The following NLRC4 variants were observed in gnomAD, a reference collection of about 807,000 sequenced individuals.
NLRC4 encodes the protein NLR family CARD domain-containing protein 4.
A neutral mutation model predicts 79.9 loss-of-function variants in NLRC4; 63 were observed. The ratio of observed to expected loss-of-function variants is 0.79; its 90% CI spans 0.64 to 0.97. The LOEUF (loss-of-function observed/expected upper bound fraction) is 0.97. Ranked by LOEUF, NLRC4 falls within the 50% of genes least tolerant of loss-of-function variation. The pLI is 0.00. For missense variants in NLRC4, 1,074 were observed against 1,215.2 expected (o/e 0.88, Z 1.73); for synonymous variants, 461 against 456.5 (o/e 1.01, Z -0.12).
intron 2 of NLRC4, among the ~76,000 whole-genome samples, chr2:32,253,686 C>G (rs945080868): frequency 6.6e-6 from 1 of 151,326 alleles, no homozygotes. Context: ...TGCTGCTGGC[C>G]GGGTGCGGTG....
At chr2:32,262,637 G>A (rs1236806987) in intron 1 of NLRC4, among the ~76,000 whole-genome samples, 1 of 152,062 alleles carries the variant, frequency 6.6e-6, no homozygotes, top group Admixed American at 6.6e-5. Context: ...TTAGCCAGGC[G>A]TGGAGGTGCA....
intron 1 of NLRC4, among the ~76,000 whole-genome samples, chr2:32,257,532 G>A (rs1313495333): frequency 1.3e-5 from 2 of 151,608 alleles, no homozygotes; most frequent in East Asian, 1.9e-4. Flanking sequence ...ACTTGAGCCC[G>A]GGAGACGGAG....
intron 4 of NLRC4, among the ~76,000 whole-genome samples, chr2:32,245,369 G>C (rs1398275282): frequency 1.4e-5 from 2 of 145,514 alleles, no homozygotes; most frequent in Admixed American, 6.9e-5. Context: ...AGTGAAATAA[G>C]CCAGGCACAG....
At chr2:32,265,125 C>A (rs188283967), upstream of NLRC4, among the ~76,000 whole-genome samples, 26 of 152,230 alleles carry the variant, frequency 1.7e-4, no homozygotes, top group Admixed American at 1.2e-3. Flanking sequence ...TTATTCTATA[C>A]CTTAAAATGA....
At chr2:32,237,549 GTTTAAC>G (rs1157841280) in intron 6 of NLRC4, among the ~76,000 whole-genome samples, 2 of 152,110 alleles carry the variant, frequency 1.3e-5, no homozygotes, top group African/African-American at 4.8e-5. Context: ...CAGTTATATA[GTTTAAC>G]TTTAAAAAGA....
chr2:32,227,845 A>G (rs1242453230), intron 8 of NLRC4, among the ~76,000 whole-genome samples: 2 of 152,184 alleles, frequency 1.3e-5, no homozygotes, highest in South Asian at 4.1e-4. Flanking sequence ...AACAGAATCC[A>G]TGACATTTAG....
At chr2:32,228,249 T>G (rs909166509) in intron 8 of NLRC4, among the ~76,000 whole-genome samples, 1 of 152,306 alleles carries the variant, frequency 6.6e-6, no homozygotes, top group Admixed American at 6.5e-5. Flanking sequence ...CACTCCACTT[T>G]GTTCCCAGAA....
intron 7 of NLRC4, 42 bp from the exon 8 acceptor site, chr2:32,235,610 A>T: frequency 1.3e-6 from 2 of 1,553,944 alleles, no homozygotes; most frequent in Non-Finnish European, 1.8e-6. Context: ...GATGGTCTCA[A>T]AACTGAGGAA....
At chr2:32,231,035 TTA>T (rs1337643660) in intron 8 of NLRC4, among the ~76,000 whole-genome samples, 3 of 152,246 alleles carry the variant, frequency 2.0e-5, no homozygotes, top group Non-Finnish European at 4.4e-5. Flanking sequence ...ATGATATTGA[TTA>T]TGTTTTCTGC....
chr2:32,251,638 T>C, intron 3 of NLRC4, 37 bp from the exon 4 acceptor site: 1 of 1,404,080 alleles, frequency 7.1e-7, no homozygotes, highest in African/African-American at 1.4e-5. Context: ...AAGACCCAAT[T>C]CTGTGTCTCC....
Position 32,231,441 on chromosome 2 carries a change from C to T in NLRC4, c.2782+3960G>A, listed in dbSNP as rs1464688672. ...AAGTGCTGGGATTACAGGTGTCAGC[C>T]ACCACGCCCGGCCATAAGAGTTTTT... On this transcript the variant is annotated intron_variant, in intron 8 of 8. Transcript: ENST00000402280. Among the ~76,000 whole-genome samples, 5 of 152,114 alleles carry T rather than the reference C, an allele frequency of 3.3e-5. No homozygotes were observed. The East Asian group carries it at 9.6e-4, about 29-fold the overall frequency.
chr2:32,243,668 C>T (rs1033812362), intron 4 of NLRC4, among the ~76,000 whole-genome samples: 13 of 148,388 alleles, frequency 8.8e-5, no homozygotes, highest in Admixed American at 2.0e-4. Context: ...GGCGTGGTGG[C>T]GCGCCTGTAG....
At position 32,250,621 on chromosome 2, in the gene NLRC4, T is replaced by G; in HGVS notation, c.1243A>C (p.Ser415Arg). 6.2e-7 allele frequency: 1 copy of G among 1,614,190 alleles called. No homozygotes were observed. The highest frequency in any genetic ancestry group is 8.5e-7 in the Non-Finnish European group (1 of 1,180,036). Reference protein sequence around the residue: ...KFDFELQDVSSVNEDVLLTTG... With the variant: ...KFDFELQDVSRVNEDVLLTTG... ...GTCAGCAGGACATCCTCATTCACGC[T>G]GGACACATCCTGCAGTTCGAAATCA... Residue 415 changes from serine to arginine, a missense_variant, in exon 4 of 9, where the codon AGC becomes CGC. By Grantham distance (110) the Ser-to-Arg change is moderately radical. Coordinates refer to ENST00000402280, the MANE Select transcript of NLRC4 (RefSeq NM_001199138.2). The surrounding 1 kb of genome is among the most constrained non-coding windows in gnomAD (Gnocchi z 4.9).
chr2:32,260,967 C>T (rs773462234), intron 1 of NLRC4, among the ~76,000 whole-genome samples: 43 of 151,826 alleles, frequency 2.8e-4, no homozygotes, highest in African/African-American at 9.7e-4. Flanking sequence ...CTGAGGCAGG[C>T]GGATCACAAA....
chr2:32,229,330 G>A (rs993217059), intron 8 of NLRC4, among the ~76,000 whole-genome samples: 2 of 152,016 alleles, frequency 1.3e-5, no homozygotes, highest in South Asian at 2.1e-4. Flanking sequence ...TTATAGTGGC[G>A]GCATGGACCG....
chr2:32,244,661 T>C (rs1030348718), intron 4 of NLRC4, among the ~76,000 whole-genome samples: 5 of 152,144 alleles, frequency 3.3e-5, no homozygotes, highest in African/African-American at 1.2e-4. Flanking sequence ...CAACACCCCC[T>C]TCTGCAAACC....
intron 7 of NLRC4, among the ~76,000 whole-genome samples, chr2:32,235,960 C>T (rs1249247649): frequency 6.6e-6 from 1 of 152,106 alleles, no homozygotes; most frequent in Non-Finnish European, 1.5e-5. Context: ...ATTCCTTAAG[C>T]AAATTTGTCT....
At chr2:32,225,972 T>A (rs529730837) in intron 8 of NLRC4, among the ~76,000 whole-genome samples, 1 of 152,332 alleles carries the variant, frequency 6.6e-6, no homozygotes, top group South Asian at 2.1e-4. Flanking sequence ...ATGATTCAGT[T>A]TGGATTCCAA....
chr2:32,250,489 A>G lies in NLRC4; in HGVS notation c.1375T>C (p.Leu459=). The change falls in exon 4 of 9, where the codon TTG becomes CTG. Residue 459 remains leucine (L), a synonymous_variant. Coordinates refer to ENST00000402280, the MANE Select transcript of NLRC4 (RefSeq NM_001199138.2). This position sits in a 1 kb window ranked among gnomAD's most constrained non-coding sequence, Gnocchi z 4.9. The part of the protein sequence containing the change: ...YTAGRRLSSL[L]TSHEPEEVTK... ...ACCTCCTCTGGCTCATGAGACGTCA[A>G]TAAACTGCTGAGTCTTCGTCCTGCT... 1 of 1,614,252 alleles carries G rather than the reference A, an allele frequency of 6.2e-7. No individual in the cohort carries two copies. Among genetic ancestry groups the G allele is most frequent in the Non-Finnish European group, 8.5e-7 (1 of 1,180,046 alleles).
Sources: allele counts gnomAD v4.1 joint callset (sites outside exome capture counted in the v4.1 genomes callset), GRCh38; gene constraint gnomAD v4.1.1; non-coding constraint Gnocchi (gnomAD v3.1); transcripts MANE v1.5; gene names NCBI Gene and HGNC (gene_info 2026-07-23, HGNC 2026-07-21).